Variants in COMMD5 observed in about 807,000 individuals in gnomAD.
COMMD5 encodes the protein COMM domain containing 5.
In COMMD5, 10 loss-of-function variants were observed where a neutral mutation model predicts 6.9. The ratio of observed to expected loss-of-function variants is 1.44; its 90% CI spans 0.89 to 2.45. The LOEUF (loss-of-function observed/expected upper bound fraction) is 2.45, where lower values mean the gene tolerates loss of function less well. Ranked by LOEUF, COMMD5 falls within the 30% of genes most tolerant of loss-of-function variation. The pLI is 0.00. For synonymous variants in COMMD5, 127 were observed against 125.3 expected, an observed-to-expected ratio of 1.01 and a Z score of -0.09; for missense variants, 234 against 287.8, an observed-to-expected ratio of 0.81 and a Z score of 1.35.
chr8:144,847,375 G>A (rs909245), downstream of COMMD5: 54,234 of 151,998 alleles, frequency 0.36, 9,775 homozygotes, highest in South Asian at 0.46. Flanking sequence ...CCAGGAGTTC[G>A]GAGACCACAG....
chr8:144,841,593 C>G, exon 2 of COMMD5: 1 of 1,614,162 alleles, frequency 6.2e-7, no homozygotes, highest in South Asian at 1.1e-5. Context: ...TTCCCAAGAC[C>G]TTCACCAAGG....
intron 1 of COMMD5, chr8:144,843,384 TTG>T: frequency 2.0e-6 from 1 of 497,458 alleles, no homozygotes; most frequent in Non-Finnish European, 3.4e-6. Flanking sequence ...GGTCAGGAGG[TTG>T]AGACCATCCT....
chr8:144,841,279 T>C, exon 2 of COMMD5: 1 of 1,453,694 alleles, frequency 6.9e-7, no homozygotes, highest in Admixed American at 2.1e-5. Context: ...CCTTGAGCCC[T>C]GGCCCCCGCA....
chr8:144,844,735 A>G (rs1045883373), intron 1 of COMMD5, among the ~76,000 whole-genome samples: 37 of 148,652 alleles, frequency 2.5e-4, no homozygotes, highest in African/African-American at 8.9e-4. Context: ...AAAAAAAAAA[A>G]ACGAAAATGG....
At position 144,842,581 on chromosome 8, in the gene COMMD5, A is replaced by G; in HGVS notation, c.*117-838T>C. The G allele has an allele frequency of 9.9e-6, 16 of 1,614,212 alleles. No individual in the cohort carries two copies. Among genetic ancestry groups the G allele is most frequent in the Non-Finnish European group, 1.4e-5 (16 of 1,180,038 alleles). On this transcript the variant is annotated intron_variant and NMD_transcript_variant, in intron 1 of 1. Coordinates refer to the COMMD5 transcript ENST00000530332. ...CCTTATTCAGCATCAGCGAATCCAC[A>G]CTGGAGAGAAACCCTATGTGTGTAA...
downstream of COMMD5, among the ~76,000 whole-genome samples, chr8:144,848,464 A>T (rs1358024759): frequency 6.6e-6 from 1 of 151,330 alleles, no homozygotes; most frequent in Non-Finnish European, 1.5e-5. Flanking sequence ...GCCACTGCAC[A>T]CCAGCCTGGG....
chr8:144,842,528 G>A (rs760284010), intron 1 of COMMD5: 1 of 1,614,188 alleles, frequency 6.2e-7, no homozygotes, highest in Non-Finnish European at 8.5e-7. Context: ...TGTGATGAGT[G>A]TGGCAAAGGC....
Position 144,850,614 on chromosome 8 carries a change from C to A in COMMD5, c.*50G>T. 6.4e-7 allele frequency: 1 copy of A among 1,567,520 alleles called. No homozygotes were observed. Among genetic ancestry groups the A allele is most frequent in the Non-Finnish European group, 8.7e-7 (1 of 1,150,974 alleles). The stretch of plus-strand genomic sequence containing the variant: ...AGAGTCAGCTGCACTTTGGCACCAT[C>A]TCAGGTGCCTGTCCAAGCCGGATCT... On this transcript the variant is annotated 3_prime_UTR_variant, in exon 2 of 2. Coordinates refer to ENST00000305103, the MANE Select transcript of COMMD5 (RefSeq NM_014066.4). This position sits in a 1 kb window ranked among gnomAD's most constrained non-coding sequence, Gnocchi z 4.0.
At chr8:144,841,344 G>A in exon 2 of COMMD5, 1 of 1,593,706 alleles carries the variant, frequency 6.3e-7, no homozygotes, top group African/African-American at 1.3e-5. Context: ...CTTTGTTCCT[G>A]TTTATTTCAG....
At chr8:144,846,362 G>C (rs777961362), downstream of COMMD5, 12 of 601,284 alleles carry the variant, frequency 2.0e-5, no homozygotes, top group Non-Finnish European at 3.1e-5. Flanking sequence ...TGGTTGGGGA[G>C]AAAATAAGAG....
rs745767675 is a variant in COMMD5 at position 144,841,607 on chromosome 8, C to T, written c.*253G>A. On this transcript the variant is annotated 3_prime_UTR_variant and NMD_transcript_variant, in exon 2 of 2. Transcript: ENST00000530332. ...GTTCCCAAGACCTTCACCAAGGACGCACCCCAGGGATGTAAGGAGCTGGGA... is the reference window on the plus strand; with the variant it reads ...GTTCCCAAGACCTTCACCAAGGACGTACCCCAGGGATGTAAGGAGCTGGGA... The T allele has an allele frequency of 3.5e-5, 56 of 1,614,068 alleles. No individual in the cohort carries two copies. The East Asian group carries it at 6.5e-4, about 19-fold the overall frequency.
Position 144,850,795 on chromosome 8 carries a change from GCTT to G in COMMD5, c.541_543del (p.Lys181del). ...AAGCGGTATGCTGACCCATCTGAAA[GCTT>G]CAGCTGCATCAGGACGCTCGGCTGC... is the stretch of plus-strand genomic sequence containing the variant. On this transcript the variant is annotated inframe_deletion, in exon 2 of 2. Transcript: ENST00000305103. This position sits in a 1 kb window ranked among gnomAD's most constrained non-coding sequence, Gnocchi z 4.0. 1 of 1,614,106 alleles carries G rather than the reference GCTT, an allele frequency of 6.2e-7. No homozygotes were observed. The highest frequency in any genetic ancestry group is 8.5e-7 in the Non-Finnish European group (1 of 1,180,050).
downstream of COMMD5, chr8:144,841,001 G>A (rs981847121): frequency 4.5e-5 from 10 of 223,778 alleles, no homozygotes; most frequent in Middle Eastern, 1.6e-3. Context: ...CCCTGACCCC[G>A]CAGCCCAATC....
At chr8:144,848,806 C>T (rs879850197), downstream of COMMD5, among the ~76,000 whole-genome samples, 6 of 152,324 alleles carry the variant, frequency 3.9e-5, no homozygotes, top group South Asian at 6.2e-4. Context: ...TGAGGCCAGC[C>T]GCTGTCCCTG....
intron 1 of COMMD5, chr8:144,843,358 G>A (rs2130733621): frequency 1.6e-6 from 1 of 617,402 alleles, no homozygotes; most frequent in Non-Finnish European, 2.6e-6. Context: ...GGGAGGCCAA[G>A]GCGGGCACAT....
chr8:144,845,484 A>T (rs968029901), downstream of COMMD5, among the ~76,000 whole-genome samples: 1 of 152,100 alleles, frequency 6.6e-6, no homozygotes, highest in Non-Finnish European at 1.5e-5. Flanking sequence ...GGCGTGGCTG[A>T]TGGCAGGTGG....
downstream of COMMD5, among the ~76,000 whole-genome samples, chr8:144,839,405 T>C (rs1829556877): frequency 6.6e-6 from 1 of 152,206 alleles, no homozygotes; most frequent in African/African-American, 2.4e-5. Flanking sequence ...CTGCTCAGTC[T>C]CCCTGAGAAG....
rs748634820 is a variant in COMMD5, at chr8:144,850,928, G to A, written c.411C>T (p.Leu137=). 1.2e-5 allele frequency: 19 copies of A among 1,608,012 alleles called. No individual in the cohort carries two copies. Among genetic ancestry groups the A allele is most frequent in the Non-Finnish European group, 1.6e-5 (19 of 1,177,842 alleles). ...ASVVFGSQRP[L]LDSVAQQQGA... ...CCTGCTGCTGGGCCACAGAATCAAG[G>A]AGGGGCCGCTGGCTCCCAAATACCA... Residue 137 remains leucine, a synonymous_variant, in exon 2 of 2, where the codon CTC becomes CTT. Coordinates refer to ENST00000305103, the MANE Select transcript of COMMD5 (RefSeq NM_014066.4). This position sits in a 1 kb window ranked among gnomAD's most constrained non-coding sequence, Gnocchi z 4.0.
intron 1 of COMMD5, among the ~76,000 whole-genome samples, chr8:144,845,142 C>T (rs1304935527): frequency 2.0e-5 from 3 of 152,186 alleles, no homozygotes; most frequent in Non-Finnish European, 4.4e-5. Context: ...GCCTGAAAGA[C>T]TGCCAAGAAC....
Sources: gnomAD v4.1 joint callset for allele counts (sites outside exome capture counted in the v4.1 genomes callset) on GRCh38, gnomAD v4.1.1 for gene constraint, Gnocchi (gnomAD v3.1) non-coding constraint, MANE v1.5 for transcripts, NCBI Gene and HGNC (gene_info 2026-07-23, HGNC 2026-07-21) for gene names.